Variants in ACOXL observed in about 807,000 individuals in gnomAD.
ACOXL encodes the protein acyl-coenzyme A oxidase-like protein.
Under a neutral mutation model 71.9 loss-of-function variants are expected in ACOXL, and 70 were observed. The ratio of observed to expected loss-of-function variants is 0.97; its 90% CI spans 0.80 to 1.19. The LOEUF is 1.19. ACOXL is among the 50% of genes most tolerant of loss of function. The pLI, the probability that ACOXL is intolerant of heterozygous loss-of-function variation, is 0.00. For missense variants in ACOXL, 703 were observed against 736.3 expected, an observed-to-expected ratio of 0.95 and a Z score of 0.52; for synonymous variants, 253 against 281.6, an observed-to-expected ratio of 0.90 and a Z score of 1.02.
intron 12 of ACOXL, chr2:110,968,367 A>G (rs2062024859): frequency 1.7e-6 from 2 of 1,147,270 alleles, no homozygotes; most frequent in South Asian, 2.4e-5. Context: ...ATAGTACCAG[A>G]TGATTCCCTG....
chr2:111,105,263 G>A (rs1339386213), intron 17 of ACOXL, among the ~76,000 whole-genome samples: 1 of 152,050 alleles, frequency 6.6e-6, no homozygotes, highest in East Asian at 1.9e-4. Flanking sequence ...AAATATGGTA[G>A]TTTGATTCCA....
In ACOXL at chr2:110,911,504, A is replaced by G. The variant is rs2059649128; in HGVS notation, c.905+2599A>G. ...AGTAAACTTAATCCAGCAACATATAAAAAGGAGTATACACCATGACCAAGT... is the reference window on the plus strand; with the variant it reads ...AGTAAACTTAATCCAGCAACATATAGAAAGGAGTATACACCATGACCAAGT... On this transcript the variant is annotated intron_variant, in intron 11 of 17. Coordinates refer to ENST00000439055, the MANE Select transcript of ACOXL (RefSeq NM_001142807.4). 2.0e-5 allele frequency among the ~76,000 whole-genome samples: 3 copies of G among 152,238 alleles called. No individual in the cohort carries two copies. In the South Asian group the frequency reaches 6.2e-4, roughly 32 times the overall value.
intron 14 of ACOXL, among the ~76,000 whole-genome samples, chr2:111,022,232 G>A (rs1558878883): frequency 6.6e-6 from 1 of 152,102 alleles, no homozygotes; most frequent in Non-Finnish European, 1.5e-5. Context: ...AGGCATGGTG[G>A]TGGGCGCCTG....
chr2:110,833,799 G>A lies in ACOXL; in HGVS notation c.754-7572G>A, dbSNP rs539342045. Among the ~76,000 whole-genome samples, 4 of 152,104 alleles carry A rather than the reference G, an allele frequency of 2.6e-5. No individual in the cohort carries two copies. The South Asian group carries it at 8.3e-4, about 32-fold the overall frequency. ...TTACTTGTTTTGTGAATTTTTGGAG[G>A]GTAAGAATTTGATCGAGGAAAAGGT... On this transcript the variant is annotated intron_variant, in intron 9 of 17. Transcript: ENST00000439055.
intron 12 of ACOXL, among the ~76,000 whole-genome samples, chr2:110,985,054 T>C (rs557914100): frequency 6.6e-6 from 1 of 152,222 alleles, no homozygotes; most frequent in Non-Finnish European, 1.5e-5. Context: ...TGGAGTGACA[T>C]TGCTTCTGCA....
intron 1 of ACOXL, among the ~76,000 whole-genome samples, chr2:110,760,889 A>G (rs1244675007): frequency 6.6e-6 from 1 of 152,210 alleles, no homozygotes; most frequent in Non-Finnish European, 1.5e-5. Flanking sequence ...ATGGCCAAAG[A>G]ATGTCCCATT....
chr2:111,044,768 C>A (rs1317276848), intron 15 of ACOXL, among the ~76,000 whole-genome samples: 1 of 152,160 alleles, frequency 6.6e-6, no homozygotes, highest in Non-Finnish European at 1.5e-5. Context: ...TTGTAAGGTT[C>A]TACCTTACAG....
intron 9 of ACOXL, among the ~76,000 whole-genome samples, chr2:110,815,909 T>G (rs1299526332): frequency 6.6e-6 from 1 of 152,228 alleles, no homozygotes; most frequent in Admixed American, 6.5e-5. Flanking sequence ...AACCTGTGTC[T>G]TCTTGGTCAC....
intron 10 of ACOXL, among the ~76,000 whole-genome samples, chr2:110,880,960 A>G (rs919439965): frequency 6.6e-6 from 1 of 152,192 alleles, no homozygotes; most frequent in Non-Finnish European, 1.5e-5. Context: ...TCTTAGGAAG[A>G]ACTTCCTCAT....
At chr2:110,985,371 C>T (rs1274028349) in intron 12 of ACOXL, among the ~76,000 whole-genome samples, 2 of 152,142 alleles carry the variant, frequency 1.3e-5, no homozygotes, top group African/African-American at 4.8e-5. Flanking sequence ...GTAACACTCC[C>T]TTTACTAACC....
At chr2:110,946,391 T>C (rs1272117408) in intron 12 of ACOXL, among the ~76,000 whole-genome samples, 1 of 152,240 alleles carries the variant, frequency 6.6e-6, no homozygotes, top group African/African-American at 2.4e-5. Flanking sequence ...TCTTGCCTGA[T>C]TGCTGTGGCT....
intron 16 of ACOXL, among the ~76,000 whole-genome samples, chr2:111,086,678 A>G (rs908391738): frequency 6.6e-6 from 1 of 152,208 alleles, no homozygotes; most frequent in East Asian, 1.9e-4. Flanking sequence ...AGAGTCATCT[A>G]TGAAAAACCC....
chr2:110,768,538 G>A, intron 2 of ACOXL, 74 bp downstream of exon 2: 2 of 1,325,050 alleles, frequency 1.5e-6, no homozygotes, highest in Non-Finnish European at 1.1e-6. Flanking sequence ...GAGAGAGAGA[G>A]TTTTTTTCTC....
chr2:111,031,786 T>C, intron 15 of ACOXL, 72 bp downstream of exon 15: 1 of 1,471,828 alleles, frequency 6.8e-7, no homozygotes, highest in Non-Finnish European at 9.5e-7. Context: ...GACACAGCTC[T>C]GCAGGGAAAG....
At chr2:110,761,736 G>A (rs1311989588) in intron 1 of ACOXL, among the ~76,000 whole-genome samples, 1 of 152,152 alleles carries the variant, frequency 6.6e-6, no homozygotes, top group African/African-American at 2.4e-5. Context: ...GACCAACTCT[G>A]GCCTGGCCAA....
chr2:110,775,950 T>C (rs1682578982), intron 2 of ACOXL, among the ~76,000 whole-genome samples: 2 of 152,220 alleles, frequency 1.3e-5, no homozygotes, highest in Admixed American at 1.3e-4. Context: ...CAGAGAGCTA[T>C]TTGCATGTCC....
chr2:110,827,872 C>T (rs1049279878), intron 9 of ACOXL, among the ~76,000 whole-genome samples: 1 of 152,190 alleles, frequency 6.6e-6, no homozygotes, highest in Non-Finnish European at 1.5e-5. Context: ...CATTAAATCC[C>T]AAGCATCTTT....
intron 16 of ACOXL, among the ~76,000 whole-genome samples, chr2:111,053,701 ACCT>A (rs990522903): frequency 3.4e-4 from 52 of 152,148 alleles, no homozygotes; most frequent in African/African-American, 1.1e-3. Flanking sequence ...AAATGATCAC[ACCT>A]CCTCATTTTG....
rs146872064 is a variant in ACOXL at position 111,068,914 on chromosome 2, G to A, written c.1440+19626G>A. ...GGTGGATGAATACATACATACATAC[G>A]TGTATAAATGGCTGTGGCTTGAGGG... On this transcript the variant is annotated intron_variant, in intron 16 of 17. Coordinates refer to ENST00000439055, the MANE Select transcript of ACOXL (RefSeq NM_001142807.4). Among the ~76,000 whole-genome samples the A allele has an allele frequency of 2.2e-3, 338 of 152,168 alleles. 2 individuals are homozygous for A. Among genetic ancestry groups the A allele is most frequent in the African/African-American group, 7.7e-3 (321 of 41,450 alleles).
Sources: gnomAD v4.1 joint callset for allele counts (sites outside exome capture counted in the v4.1 genomes callset) on GRCh38, gnomAD v4.1.1 for gene constraint, MANE v1.5 for transcripts, NCBI Gene and HGNC (gene_info 2026-07-23, HGNC 2026-07-21) for gene names.